CORIN: variants seen among roughly 807,000 people sequenced by gnomAD.
The protein encoded by CORIN is atrial natriuretic peptide-converting enzyme.
In CORIN, 117 loss-of-function variants were observed where a neutral mutation model predicts 125.3. The observed-to-expected ratio is 0.93, with a 90% CI of 0.80 to 1.09. CORIN has a LOEUF of 1.09. Ranked by LOEUF, CORIN falls within the 50% of genes least tolerant of loss-of-function variation. CORIN has a pLI of 0.00. For synonymous variants in CORIN, 450 were observed against 466.4 expected, an observed-to-expected ratio of 0.96 and a Z score of 0.45; for missense variants, 1,253 against 1,306.7, an observed-to-expected ratio of 0.96 and a Z score of 0.63.
Position 47,800,507 on chromosome 4 carries a change from C to G in CORIN, c.208+6396G>C, listed in dbSNP as rs889055389. Among the ~76,000 whole-genome samples, 12 of 152,178 alleles carry G rather than the reference C, an allele frequency of 7.9e-5. No individual in the cohort carries two copies. In the East Asian group the frequency reaches 2.3e-3, roughly 29 times the overall value. On this transcript the variant is annotated intron_variant, in intron 2 of 21. Transcript: ENST00000273857. ...AGTGGTATAGCTGAGGAAGCTCCTA[C>G]CAGACAGATCTGTCCAGGGATAATA...
intron 5 of CORIN, among the ~76,000 whole-genome samples, chr4:47,700,976 ATAC>A (rs1375251165): frequency 6.6e-6 from 1 of 152,198 alleles, no homozygotes; most frequent in Non-Finnish European, 1.5e-5. Flanking sequence ...TGGTGCTATT[ATAC>A]TGATGTTTCC....
intron 3 of CORIN, among the ~76,000 whole-genome samples, chr4:47,786,453 A>T (rs928002610): frequency 1.4e-4 from 22 of 152,150 alleles, no homozygotes; most frequent in African/African-American, 5.3e-4. Flanking sequence ...AGGCAGGAGA[A>T]TTGCTTAAAC....
intron 20 of CORIN, among the ~76,000 whole-genome samples, chr4:47,601,719 A>G (rs1367822903): frequency 4.6e-5 from 7 of 152,214 alleles, no homozygotes; most frequent in Non-Finnish European, 7.3e-5. Flanking sequence ...AGCTTTGAAA[A>G]AAAACAGATG....
intron 10 of CORIN, among the ~76,000 whole-genome samples, chr4:47,666,534 A>C (rs1724491285): frequency 6.6e-6 from 1 of 152,214 alleles, no homozygotes; most frequent in Non-Finnish European, 1.5e-5. Context: ...CATGAACTGA[A>C]CATTTGTGTA....
rs183672445 is a variant in CORIN, at chr4:47,694,062, T to C, written c.800-979A>G. Among the ~76,000 whole-genome samples the C allele has an allele frequency of 3.2e-4, 49 of 152,332 alleles. No homozygotes were observed. In the East Asian group the frequency reaches 9.4e-3, roughly 29 times the overall value. On this transcript the variant is annotated intron_variant, in intron 5 of 21. Transcript: ENST00000273857. ...TGTTTAAAATGAGGAAACTATGAAA[T>C]AACCACTATGCAATATTCAGGGGCT...
intron 19 of CORIN, among the ~76,000 whole-genome samples, chr4:47,611,735 A>G (rs1312252369): frequency 6.6e-6 from 1 of 152,234 alleles, no homozygotes; most frequent in Non-Finnish European, 1.5e-5. Context: ...TGAGTTTGTC[A>G]TAAGTGGCTG....
intron 20 of CORIN, among the ~76,000 whole-genome samples, chr4:47,602,502 T>C (rs1160811258): frequency 2.0e-5 from 3 of 152,314 alleles, no homozygotes; most frequent in Admixed American, 2.0e-4. Context: ...CAGATGTTGA[T>C]AAGACCAAAT....
At chr4:47,603,362 T>G (rs1298183678) in intron 20 of CORIN, 35 bp downstream of exon 20, 1 of 1,599,080 alleles carries the variant, frequency 6.3e-7, no homozygotes, top group East Asian at 2.2e-5. Context: ...TATGTGCTTA[T>G]AGCAGCATGA....
intron 5 of CORIN, among the ~76,000 whole-genome samples, chr4:47,694,957 T>C (rs922530445): frequency 9.2e-5 from 14 of 152,372 alleles, no homozygotes; most frequent in Admixed American, 5.2e-4. Context: ...TTTCTTATGA[T>C]ACTACTTCAT....
chr4:47,652,076 A>G (rs1723757096), intron 13 of CORIN, among the ~76,000 whole-genome samples: 2 of 152,212 alleles, frequency 1.3e-5, no homozygotes, highest in African/African-American at 4.8e-5. Context: ...AGTTCAGTGA[A>G]CAAATCTAAT....
At chr4:47,686,949 C>T (rs1478934424) in intron 6 of CORIN, among the ~76,000 whole-genome samples, 2 of 152,116 alleles carry the variant, frequency 1.3e-5, no homozygotes, top group African/African-American at 4.8e-5. Flanking sequence ...CTATGAGGCC[C>T]ATTCTAGGAC....
chr4:47,738,900 C>A (rs1728255883), intron 5 of CORIN, among the ~76,000 whole-genome samples: 1 of 151,408 alleles, frequency 6.6e-6, no homozygotes. Context: ...AGAAATTATG[C>A]AGTAAAATAT....
intron 3 of CORIN, among the ~76,000 whole-genome samples, chr4:47,770,150 T>C (rs575043831): frequency 3.3e-5 from 5 of 152,214 alleles, no homozygotes; most frequent in Non-Finnish European, 7.4e-5. Flanking sequence ...AGGAATTTTA[T>C]TTAGTAGTTA....
intron 8 of CORIN, among the ~76,000 whole-genome samples, chr4:47,679,042 C>G (rs1725147592): frequency 6.6e-6 from 1 of 152,194 alleles, no homozygotes; most frequent in Non-Finnish European, 1.5e-5. Context: ...AAATTATAAG[C>G]CAATTAAATA....
At chr4:47,670,816 C>T (rs911463312) in intron 10 of CORIN, among the ~76,000 whole-genome samples, 10 of 152,198 alleles carry the variant, frequency 6.6e-5, no homozygotes, top group Non-Finnish European at 1.0e-4. Flanking sequence ...CTCCTACCCT[C>T]AAAGGCAAGG....
intron 7 of CORIN, chr4:47,683,045 GC>G (rs1725358092): frequency 1.3e-5 from 2 of 152,278 alleles, no homozygotes; most frequent in East Asian, 1.9e-4. Flanking sequence ...ATCCCAGTTT[GC>G]CCTTTTGTTC....
At chr4:47,675,164 G>C (rs1362452215) in intron 9 of CORIN, among the ~76,000 whole-genome samples, 3 of 152,110 alleles carry the variant, frequency 2.0e-5, no homozygotes, top group African/African-American at 7.2e-5. Flanking sequence ...AGAGGAAACT[G>C]CTTTTCCTTG....
intron 16 of CORIN, among the ~76,000 whole-genome samples, chr4:47,628,014 C>T (rs1407049205): frequency 6.6e-6 from 1 of 152,158 alleles, no homozygotes; most frequent in African/African-American, 2.4e-5. Context: ...TTTTGCATTT[C>T]ATTCATTAGC....
intron 5 of CORIN, among the ~76,000 whole-genome samples, chr4:47,703,560 G>C (rs1014401126): frequency 3.4e-4 from 52 of 152,276 alleles, no homozygotes; most frequent in African/African-American, 1.2e-3. Context: ...GCGCTGCTTT[G>C]GCGAATTACT....
Sources: allele counts gnomAD v4.1 joint callset (sites outside exome capture counted in the v4.1 genomes callset), GRCh38; gene constraint gnomAD v4.1.1; transcripts MANE v1.5; gene names NCBI Gene and HGNC (gene_info 2026-07-23, HGNC 2026-07-21).